The following ITGA11 variants were observed in gnomAD, a reference collection of about 807,000 sequenced individuals.
The protein encoded by ITGA11 is integrin alpha-11.
In ITGA11, 97 loss-of-function variants were observed where a neutral mutation model predicts 141.9. The observed-to-expected ratio is 0.68, with a 90% confidence interval of 0.58 to 0.81. The LOEUF (loss-of-function observed/expected upper bound fraction) is 0.81, where lower values mean the gene tolerates loss of function less well. Among genes scored for constraint, ITGA11 ranks in the 30% least tolerant of loss-of-function variants. The pLI is 0.00. For synonymous variants in ITGA11, 658 were observed against 624.6 expected, an observed-to-expected ratio of 1.05 and a Z score of -0.80; for missense variants, 1,387 against 1,559.2, an observed-to-expected ratio of 0.89 and a Z score of 1.86.
chr15:68,417,534 GC>G (rs1896915409), intron 1 of ITGA11, among the ~76,000 whole-genome samples: 1 of 152,092 alleles, frequency 6.6e-6, no homozygotes, highest in Non-Finnish European at 1.5e-5. Context: ...CTTTGCAGCA[GC>G]CACAGTGATC....
chr15:68,416,575 C>T (rs1298511688), intron 1 of ITGA11, among the ~76,000 whole-genome samples: 2 of 152,146 alleles, frequency 1.3e-5, no homozygotes, highest in Admixed American at 6.5e-5. Flanking sequence ...ATTTTTCCTC[C>T]GAGCCCTGGA....
intron 1 of ITGA11, among the ~76,000 whole-genome samples, chr15:68,427,150 G>A (rs1206102192): frequency 1.3e-5 from 2 of 150,992 alleles, no homozygotes; most frequent in Non-Finnish European, 2.9e-5. Flanking sequence ...TGGCAGAATT[G>A]TAGCAGTGAC....
At chr15:68,310,455 G>A (rs1040465516) in intron 26 of ITGA11, among the ~76,000 whole-genome samples, 2 of 152,192 alleles carry the variant, frequency 1.3e-5, no homozygotes, top group Non-Finnish European at 2.9e-5. Context: ...AGCAGGGTGA[G>A]AAACTGGTAT....
intron 9 of ITGA11, among the ~76,000 whole-genome samples, chr15:68,349,291 C>A (rs1037666732): frequency 2.6e-5 from 4 of 152,186 alleles, no homozygotes; most frequent in Admixed American, 2.0e-4. Flanking sequence ...TTGTTCATTC[C>A]TTTTATTCAC....
chr15:68,381,932 G>A (rs1038180872), intron 2 of ITGA11, among the ~76,000 whole-genome samples: 1 of 152,114 alleles, frequency 6.6e-6, no homozygotes, highest in South Asian at 2.1e-4. Flanking sequence ...GCAGCTCTTC[G>A]GCCTCACTCT....
At chr15:68,359,669 CAAAT>C (rs1347900753) in intron 5 of ITGA11, among the ~76,000 whole-genome samples, 1 of 146,626 alleles carries the variant, frequency 6.8e-6, no homozygotes, top group Non-Finnish European at 1.5e-5. Flanking sequence ...ACAAAACAAA[CAAAT>C]AAAAAAAAAA....
chr15:68,314,589 G>GC (rs1893506245), intron 22 of ITGA11, among the ~76,000 whole-genome samples: 1 of 152,150 alleles, frequency 6.6e-6, no homozygotes, highest in Non-Finnish European at 1.5e-5. Flanking sequence ...TGCCTCCAGA[G>GC]CCCCCTCCTA....
chr15:68,331,980 C>G lies in ITGA11; in HGVS notation c.1649G>C (p.Arg550Pro), dbSNP rs772394655. Residue 550 changes from arginine (R) to proline (P), a missense_variant, in exon 14 of 30, where the codon CGA becomes CCA. Physicochemically the swap from Arg to Pro is moderately radical, Grantham distance 103. Coordinates refer to ENST00000315757, the MANE Select transcript of ITGA11 (RefSeq NM_001004439.2). ...ATTGTAGGAATCCTGGTTGAGGTCT[C>G]GAACTGAGGCAATGGAGGACCCAAA... is the stretch of plus-strand genomic sequence containing the variant. Reference protein sequence around the residue: ...ARFGSSIASVRDLNQDSYNDV... With the variant: ...ARFGSSIASVPDLNQDSYNDV... 3 of 1,612,980 alleles carry G rather than the reference C, an allele frequency of 1.9e-6. No homozygotes were observed. The highest frequency in any genetic ancestry group is 2.5e-6 in the Non-Finnish European group (3 of 1,179,516).
chr15:68,329,899 C>T (rs924742859), intron 15 of ITGA11, among the ~76,000 whole-genome samples: 4 of 152,216 alleles, frequency 2.6e-5, no homozygotes, highest in East Asian at 1.9e-4. Flanking sequence ...GGGGCACCAC[C>T]GGGACTGTTG....
At chr15:68,390,744 G>A (rs1272051299) in intron 2 of ITGA11, among the ~76,000 whole-genome samples, 1 of 152,170 alleles carries the variant, frequency 6.6e-6, no homozygotes, top group Non-Finnish European at 1.5e-5. Flanking sequence ...CGTGTTTTGG[G>A]TATTCTTTGA....
In ITGA11 at chr15:68,331,178, C is replaced by T. The variant is rs536209995; in HGVS notation, c.1771-67G>A. The stretch of plus-strand genomic sequence containing the variant: ...GAGTGTGGGGGCGGGCGTCCCCGAG[C>T]AGCAGGAACAATCAGGAACAATAGG... On this transcript the variant is annotated intron_variant, in intron 14 of 29. Transcript: ENST00000315757. 211 of 1,439,448 alleles carry T rather than the reference C, an allele frequency of 1.5e-4. No individual in the cohort carries two copies. The East Asian group carries it at 2.9e-3, about 20-fold the overall frequency. 89.2% of individuals were successfully genotyped at this position (1,439,448 alleles called of 1,614,324 possible). A position where few individuals can be genotyped will look rare whatever the true frequency, so the allele number is the denominator to read the frequency against.
At chr15:68,386,484 CTT>C (rs913250213) in intron 2 of ITGA11, among the ~76,000 whole-genome samples, 3 of 152,250 alleles carry the variant, frequency 2.0e-5, no homozygotes, top group African/African-American at 7.2e-5. Flanking sequence ...GCCCAGGACC[CTT>C]TGTGACTCTG....
chr15:68,420,173 TATAG>T (rs1356854193), intron 1 of ITGA11, among the ~76,000 whole-genome samples: 1 of 152,220 alleles, frequency 6.6e-6, no homozygotes, highest in Non-Finnish European at 1.5e-5. Context: ...TTCTGTGGCA[TATAG>T]ATGATGTCTG....
chr15:68,348,722 G>T (rs2140328065), intron 10 of ITGA11, 108 bp downstream of exon 10: 2 of 955,502 alleles, frequency 2.1e-6, no homozygotes, highest in Non-Finnish European at 3.3e-6. Context: ...GAGGAGAAGA[G>T]CCAACCCATC....
chr15:68,306,684 T>G (rs1043776007), intron 28 of ITGA11, among the ~76,000 whole-genome samples: 1 of 152,106 alleles, frequency 6.6e-6, no homozygotes, highest in Admixed American at 6.5e-5. Context: ...CTGGCTGTGA[T>G]TGGTTTTTGT....
Position 68,305,448 on chromosome 15 carries a change from T to C in ITGA11, c.3382-1563A>G, listed in dbSNP as rs1893161469. Among the ~76,000 whole-genome samples, 1 of 152,160 alleles carries C rather than the reference T, an allele frequency of 6.6e-6. No individual in the cohort carries two copies. ...CAGCTGTAGGAGAGTGGGGGCTTTGTCTGTTTTGTCCCTGCTCTATCCTCA... is the reference window on the plus strand; with the variant it reads ...CAGCTGTAGGAGAGTGGGGGCTTTGCCTGTTTTGTCCCTGCTCTATCCTCA... On this transcript the variant is annotated intron_variant, in intron 28 of 29. Transcript: ENST00000315757. The surrounding 1 kb of genome is among the most constrained non-coding windows in gnomAD (Gnocchi z 4.6).
chr15:68,339,865 A>G (rs1251902012), intron 10 of ITGA11, among the ~76,000 whole-genome samples: 1 of 152,178 alleles, frequency 6.6e-6, no homozygotes, highest in Non-Finnish European at 1.5e-5. Flanking sequence ...AATGGGTCAA[A>G]TTGATCCCAA....
chr15:68,402,892 G>C (rs1212921426), intron 2 of ITGA11, 26 bp downstream of exon 2: 2 of 1,500,220 alleles, frequency 1.3e-6, no homozygotes, highest in Non-Finnish European at 1.8e-6. Flanking sequence ...GTACAGGGCT[G>C]GGTGTGGGCG....
intron 1 of ITGA11, among the ~76,000 whole-genome samples, chr15:68,404,053 T>C (rs941370777): frequency 6.6e-6 from 1 of 152,130 alleles, no homozygotes; most frequent in Non-Finnish European, 1.5e-5. Context: ...TCTCCATCAC[T>C]CCTTCCTCCC....
Sources: gnomAD v4.1 joint callset for allele counts (sites outside exome capture counted in the v4.1 genomes callset) on GRCh38, gnomAD v4.1.1 for gene constraint, Gnocchi (gnomAD v3.1) non-coding constraint, MANE v1.5 for transcripts, NCBI Gene and HGNC (gene_info 2026-07-23, HGNC 2026-07-21) for gene names.